Variants in SLIT1 observed in about 807,000 individuals in gnomAD.
The protein encoded by SLIT1 is slit homolog 1 protein.
Under a neutral mutation model 186.1 loss-of-function variants are expected in SLIT1, and 66 were observed. The observed-to-expected ratio is 0.35, with a 90% CI of 0.29 to 0.44. The LOEUF (loss-of-function observed/expected upper bound fraction) is 0.44. SLIT1 is among the 20% of genes least tolerant of loss of function. SLIT1 has a pLI of 1.00. For missense variants in SLIT1, 1,638 were observed against 2,037.4 expected, an observed-to-expected ratio of 0.80 and a Z score of 3.77; for synonymous variants, 761 against 833.8, an observed-to-expected ratio of 0.91 and a Z score of 1.50.
chr10:97,165,968 C>A (rs546912623), intron 1 of SLIT1, among the ~76,000 whole-genome samples: 4 of 152,156 alleles, frequency 2.6e-5, no homozygotes, highest in African/African-American at 4.8e-5. Flanking sequence ...CCCCACTGAG[C>A]CCCACACAGC....
intron 3 of SLIT1, among the ~76,000 whole-genome samples, chr10:97,162,570 G>T (rs1478534408): frequency 6.6e-6 from 1 of 152,130 alleles, no homozygotes; most frequent in Non-Finnish European, 1.5e-5. Context: ...CCGAGATCAC[G>T]CCACTGCACT....
At chr10:97,163,237 C>G in intron 3 of SLIT1, 143 bp downstream of exon 3, 1 of 715,630 alleles carries the variant, frequency 1.4e-6, no homozygotes, top group South Asian at 1.6e-5. Context: ...TGCAGCTGCT[C>G]CTGGCTCCAT....
rs1848872153 is a variant in SLIT1 at position 97,059,521 on chromosome 10, T to C, written c.1024A>G (p.Asn342Asp). The change falls in exon 11 of 37, where the codon AAC becomes GAC. Residue 342 changes from asparagine (N) to aspartate (D), a missense_variant. Asn to Asp is a conservative substitution (Grantham distance 23). Coordinates refer to ENST00000266058, the MANE Select transcript of SLIT1 (RefSeq NM_003061.3). ...GGTGCAATCTCAGCGATCTGATTGTTGCTCAGGTCTCTGCAAGGTGAGCAG... is the reference window on the plus strand; with the variant it reads ...GGTGCAATCTCAGCGATCTGATTGTCGCTCAGGTCTCTGCAAGGTGAGCAG... ...YRKLRRIDLS[N>D]NQIAEIAPDA... The C allele has an allele frequency of 6.2e-7, 1 of 1,613,696 alleles. No homozygotes were observed. Among genetic ancestry groups the C allele is most frequent in the Non-Finnish European group, 8.5e-7 (1 of 1,179,982 alleles).
chr10:97,107,646 G>T (rs532434654), intron 4 of SLIT1, among the ~76,000 whole-genome samples: 81 of 152,294 alleles, frequency 5.3e-4, no homozygotes, highest in African/African-American at 1.8e-3. Flanking sequence ...GCAAGGAAAT[G>T]CACAAGCAGC....
chr10:97,064,460 G>C (rs926935877), intron 6 of SLIT1, among the ~76,000 whole-genome samples: 1 of 152,206 alleles, frequency 6.6e-6, no homozygotes, highest in Non-Finnish European at 1.5e-5. Context: ...AGACTCCAAG[G>C]CTGGTAGGAT....
Position 97,040,143 on chromosome 10 carries a change from CCT to C in SLIT1, c.2165-25_2165-24del, listed in dbSNP as rs754219450. On this transcript the variant is annotated intron_variant, in intron 20 of 36. Transcript: ENST00000266058. ...GGCCTAGGGAAGAAGGCACGAAGCC[CCT>C]GTCAGGGAGGTGGACGGGCCGCTGT... is the stretch of plus-strand genomic sequence containing the variant. The C allele has an allele frequency of 5.2e-6, 8 of 1,533,522 alleles. No homozygotes were observed. The Admixed American group carries it at 6.1e-5, about 12-fold the overall frequency. The allele number at this position is 1,533,522 out of a possible 1,614,324, so 95.0% of individuals were successfully genotyped here. A position where few individuals can be genotyped will look rare whatever the true frequency, so the allele number is the denominator to read the frequency against.
chr10:97,115,512 A>G (rs191220441), intron 4 of SLIT1, among the ~76,000 whole-genome samples: 137 of 152,234 alleles, frequency 9.0e-4, no homozygotes, highest in African/African-American at 3.2e-3. Context: ...TCTGGAGATG[A>G]GAAGCCTGGA....
rs778087476 is a variant in SLIT1, at chr10:97,037,762, A to T, written c.2302T>A (p.Leu768Met). ...GIPKNVTELY[L>M]DGNQFTLVPG... The stretch of plus-strand genomic sequence containing the variant: ...ACCAGCGTGAACTGGTTCCCGTCCA[A>T]ATAGCTGCAGAGAGAACACAGCGGC... The change falls in exon 22 of 37, where the codon TTG becomes ATG. Residue 768 changes from leucine (L) to methionine (M), a missense_variant. By Grantham distance (15) the Leu-to-Met change is conservative (BLOSUM62 2). Transcript: ENST00000266058. 6.2e-7 allele frequency: 1 copy of T among 1,605,588 alleles called. No homozygotes were observed. The highest frequency in any genetic ancestry group is 8.5e-7 in the Non-Finnish European group (1 of 1,173,112).
At chr10:97,140,658 G>C (rs1849748844) in intron 4 of SLIT1, among the ~76,000 whole-genome samples, 1 of 152,190 alleles carries the variant, frequency 6.6e-6, no homozygotes, top group Non-Finnish European at 1.5e-5. Context: ...GGGCCCCAAA[G>C]ACAACTACGT....
At chr10:97,139,166 C>T (rs952104086) in intron 4 of SLIT1, among the ~76,000 whole-genome samples, 1 of 152,226 alleles carries the variant, frequency 6.6e-6, no homozygotes, top group African/African-American at 2.4e-5. Flanking sequence ...GCCTCTCAGC[C>T]AGGCAGCAGG....
chr10:97,017,848 C>CTTT (rs1177419241), intron 28 of SLIT1, among the ~76,000 whole-genome samples: 1 of 134,660 alleles, frequency 7.4e-6, no homozygotes, highest in African/African-American at 2.7e-5. Context: ...ATTTTCTTTT[C>CTTT]TTTTTTTTTT....
chr10:97,058,064 T>C (rs1038300118), intron 11 of SLIT1: 14 of 717,304 alleles, frequency 2.0e-5, no homozygotes, highest in Non-Finnish European at 3.1e-5. Context: ...GTGGGAGCTG[T>C]GTGTGCCTGT....
At chr10:97,100,557 A>C (rs1659708686) in intron 4 of SLIT1, among the ~76,000 whole-genome samples, 1 of 151,322 alleles carries the variant, frequency 6.6e-6, no homozygotes, top group African/African-American at 2.4e-5. Flanking sequence ...AATCACTTTA[A>C]CCCGGGAGGC....
chr10:97,065,010 T>A, intron 5 of SLIT1, 134 bp from the exon 6 acceptor site: 1 of 527,128 alleles, frequency 1.9e-6, no homozygotes, highest in Non-Finnish European at 3.3e-6. Flanking sequence ...TATGTGTCAA[T>A]CCAAATAGCG....
chr10:97,087,247 T>C (rs1004865933), intron 4 of SLIT1, among the ~76,000 whole-genome samples: 1 of 150,232 alleles, frequency 6.7e-6, no homozygotes, highest in African/African-American at 2.5e-5. Context: ...ATGACAAAGG[T>C]CCCTGAACCA....
intron 4 of SLIT1, chr10:97,102,288 G>C (rs1849364714): frequency 6.6e-6 from 1 of 152,186 alleles, no homozygotes; most frequent in East Asian, 1.9e-4. Context: ...AAGCATGGCG[G>C]CGAGCACCTG....
At chr10:97,157,654 C>T (rs1849968840) in intron 4 of SLIT1, 164 bp downstream of exon 4, 2 of 660,910 alleles carry the variant, frequency 3.0e-6, no homozygotes, top group Non-Finnish European at 5.4e-6. Context: ...CACCTTCCTA[C>T]AGAAAGGGCC....
In SLIT1 at chr10:97,006,444, C is replaced by A; in HGVS notation, c.3579+39G>T. ...CTGGCCTAAGCCAGGGTCGCCTGCT[C>A]CCTGACTCCCCTCTGTGACCAAGCC... is the stretch of plus-strand genomic sequence containing the variant. On this transcript the variant is annotated intron_variant, in intron 32 of 36. Transcript: ENST00000266058. The surrounding 1 kb of genome is among the most constrained non-coding windows in gnomAD (Gnocchi z 4.0). The A allele has an allele frequency of 1.3e-6, 2 of 1,487,332 alleles. No homozygotes were observed. The highest frequency in any genetic ancestry group is 1.9e-6 in the Non-Finnish European group (2 of 1,066,450). The allele number at this position is 1,487,332 out of a possible 1,614,324, so 92.1% of individuals were successfully genotyped here.
chr10:97,063,539 C>T lies in SLIT1; in HGVS notation c.709G>A (p.Gly237Arg), dbSNP rs763756749. 7.4e-6 allele frequency: 12 copies of T among 1,612,884 alleles called. No homozygotes were observed. Among genetic ancestry groups the T allele is most frequent in the East Asian group, 2.2e-5 (1 of 44,866 alleles). ...SQWLRQRPTI[G>R]LFTQCSGPAS... is the part of the protein sequence containing the mutation. ...GGGCCCGAGCACTGGGTGAAGAGCCCGATGGTTGGCCGCTGCCTCAGCCAC... is the reference window on the plus strand; with the variant it reads ...GGGCCCGAGCACTGGGTGAAGAGCCTGATGGTTGGCCGCTGCCTCAGCCAC... The change falls in exon 8 of 37, where the codon GGG (glycine) becomes AGG (arginine). Residue 237 changes from glycine to arginine, a missense_variant. By Grantham distance (125) the Gly-to-Arg change is moderately radical (BLOSUM62 -2). Around this residue, in one of 3 missense-constraint regions of SLIT1, gnomAD observed 1,245 missense variants for 1,535.3 expected, o/e 0.81. Coordinates refer to ENST00000266058, the MANE Select transcript of SLIT1 (RefSeq NM_003061.3).
Sources: allele counts gnomAD v4.1 joint callset (sites outside exome capture counted in the v4.1 genomes callset), GRCh38; gene constraint gnomAD v4.1.1; regional missense constraint gnomAD v4.1.1; non-coding constraint Gnocchi (gnomAD v3.1); transcripts MANE v1.5; gene names NCBI Gene and HGNC (gene_info 2026-07-23, HGNC 2026-07-21).